Variants in CAPZB observed in about 807,000 individuals in gnomAD.
CAPZB encodes capping actin protein of muscle Z-line subunit beta.
A neutral mutation model predicts 38.1 loss-of-function variants in CAPZB; 2 were observed. The ratio of observed to expected loss-of-function variants is 0.05; its 90% CI spans 0.02 to 0.17. The LOEUF is 0.17. Among genes scored for constraint, CAPZB ranks in the 10% least tolerant of loss-of-function variants. The pLI, the probability that CAPZB is intolerant of heterozygous loss-of-function variation, is 1.00. For missense variants in CAPZB, 161 were observed against 334.2 expected (o/e 0.48, Z 4.04); for synonymous variants, 107 against 127.4 (o/e 0.84, Z 1.08).
At chr1:19,353,453 C>T (rs2094003084) in intron 6 of CAPZB, among the ~76,000 whole-genome samples, 2 of 152,046 alleles carry the variant, frequency 1.3e-5, no homozygotes, top group South Asian at 2.1e-4. Context: ...AGAATGCCCC[C>T]CAGCCTGCCC....
At chr1:19,443,729 G>A (rs7514590) in intron 1 of CAPZB, among the ~76,000 whole-genome samples, 26,784 of 152,214 alleles carry the variant, frequency 0.18, 2,664 homozygotes, top group South Asian at 0.29. Flanking sequence ...GCAAGGCACA[G>A]AGAGGCCAGG....
chr1:19,400,081 T>C (rs552270211), intron 2 of CAPZB, among the ~76,000 whole-genome samples: 1 of 152,174 alleles, frequency 6.6e-6, no homozygotes, highest in African/African-American at 2.4e-5. Context: ...AGGGAATTTC[T>C]ATATTTGTAT....
chr1:19,442,158 T>C (rs1424645392), intron 1 of CAPZB, among the ~76,000 whole-genome samples: 3 of 151,954 alleles, frequency 2.0e-5, no homozygotes, highest in Admixed American at 6.6e-5. Context: ...ACATTATTAC[T>C]GTAATCCTAA....
At chr1:19,483,879 C>T (rs2094640055) in intron 1 of CAPZB, among the ~76,000 whole-genome samples, 1 of 152,240 alleles carries the variant, frequency 6.6e-6, no homozygotes, top group Admixed American at 6.5e-5. Flanking sequence ...ATCTCAACTA[C>T]TCACCCTCGT....
intron 1 of CAPZB, among the ~76,000 whole-genome samples, chr1:19,421,938 T>A (rs2100521865): frequency 6.6e-6 from 1 of 152,150 alleles, no homozygotes; most frequent in South Asian, 2.1e-4. Context: ...TTTAAATGAT[T>A]CCCCTGCCCA....
chr1:19,418,193 T>G, intron 2 of CAPZB, among the ~76,000 whole-genome samples: 1 of 145,400 alleles, frequency 6.9e-6, no homozygotes, highest in Non-Finnish European at 1.5e-5. Context: ...ACCAGGAAAT[T>G]TTACATAAAA....
At chr1:19,341,537 G>A (rs945488886) in intron 8 of CAPZB, among the ~76,000 whole-genome samples, 3 of 152,194 alleles carry the variant, frequency 2.0e-5, no homozygotes, top group African/African-American at 7.2e-5. Flanking sequence ...AAGGGACAAT[G>A]CTTGGGAAGG....
intron 4 of CAPZB, among the ~76,000 whole-genome samples, chr1:19,364,634 T>G (rs1480330187): frequency 6.6e-6 from 1 of 152,192 alleles, no homozygotes; most frequent in Non-Finnish European, 1.5e-5. Context: ...CTGAACATAC[T>G]CCAGCTTGTC....
intron 4 of CAPZB, among the ~76,000 whole-genome samples, chr1:19,365,266 A>G (rs2094077218): frequency 6.6e-6 from 1 of 152,190 alleles, no homozygotes; most frequent in African/African-American, 2.4e-5. Flanking sequence ...TCTCGTAGAC[A>G]TGGCTTCAAC....
chr1:19,484,577 G>A lies in CAPZB; in HGVS notation c.3+859C>T, dbSNP rs1407248477. 11 of 1,243,848 alleles carry A rather than the reference G, an allele frequency of 8.8e-6. No individual in the cohort carries two copies. The African/African-American group carries it at 1.1e-4, about 12-fold the overall frequency. 77.1% of individuals were successfully genotyped at this position (1,243,848 alleles called of 1,614,324 possible). A position where few individuals can be genotyped will look rare whatever the true frequency, so the allele number is the denominator to read the frequency against. On this transcript the variant is annotated intron_variant, in intron 1 of 8. Coordinates refer to ENST00000264202, the MANE Select transcript of CAPZB (RefSeq NM_004930.5). The stretch of plus-strand genomic sequence containing the variant: ...CCTCCCTAGAAGCGGCAACTGAGAA[G>A]GCACAGCACCGGGACCACCCCATCC...
chr1:19,415,360 T>C (rs573177193), intron 2 of CAPZB, among the ~76,000 whole-genome samples: 1 of 152,356 alleles, frequency 6.6e-6, no homozygotes, highest in East Asian at 1.9e-4. Flanking sequence ...CCTGGATCCT[T>C]TGCCTTTAGA....
intron 1 of CAPZB, among the ~76,000 whole-genome samples, chr1:19,443,886 C>T (rs2094487324): frequency 6.6e-6 from 1 of 152,182 alleles, no homozygotes; most frequent in South Asian, 2.1e-4. Flanking sequence ...AGGGAGTGCA[C>T]ACACACAAAA....
rs149781947 is a variant in CAPZB, at chr1:19,478,673, A to G, written c.3+6763T>C. The stretch of plus-strand genomic sequence containing the variant: ...TCCTGAGTCTTTCAGAACTTTGGAC[A>G]TACTTGCTTCCACCCGCTTCCTCCA... On this transcript the variant is annotated intron_variant, in intron 1 of 8. Transcript: ENST00000264202. 3.2e-3 allele frequency among the ~76,000 whole-genome samples: 481 copies of G among 152,290 alleles called. 8 individuals are homozygous for G. The Middle Eastern group carries it at 0.034, about 11-fold the overall frequency.
chr1:19,377,789 T>C (rs2094151241), intron 4 of CAPZB, among the ~76,000 whole-genome samples: 1 of 152,224 alleles, frequency 6.6e-6, no homozygotes, highest in Non-Finnish European at 1.5e-5. Flanking sequence ...GCCTGAACAA[T>C]TAAGTGACAT....
intron 6 of CAPZB, among the ~76,000 whole-genome samples, chr1:19,347,802 T>C (rs2093970114): frequency 6.6e-6 from 1 of 152,120 alleles, no homozygotes; most frequent in African/African-American, 2.4e-5. Flanking sequence ...CTCAGCTTCC[T>C]AGGAACCCTG....
chr1:19,365,930 C>T (rs987322522), intron 4 of CAPZB, among the ~76,000 whole-genome samples: 3 of 152,094 alleles, frequency 2.0e-5, no homozygotes, highest in Non-Finnish European at 4.4e-5. Flanking sequence ...GCTGGAATGC[C>T]GGCTGAAGAG....
intron 2 of CAPZB, among the ~76,000 whole-genome samples, chr1:19,409,643 A>G (rs1177626916): frequency 6.6e-6 from 1 of 152,228 alleles, no homozygotes; most frequent in Non-Finnish European, 1.5e-5. Flanking sequence ...GACCCTGGAT[A>G]AACTGCTGGA....
chr1:19,418,183 A>G (rs1009719762), intron 2 of CAPZB, among the ~76,000 whole-genome samples: 2 of 150,428 alleles, frequency 1.3e-5, no homozygotes, highest in African/African-American at 4.9e-5. Flanking sequence ...ACACAAACAA[A>G]CCAGGAAATT....
chr1:19,419,568 C>T, intron 2 of CAPZB, 93 bp downstream of exon 2: 1 of 736,994 alleles, frequency 1.4e-6, no homozygotes, highest in Non-Finnish European at 2.4e-6. Flanking sequence ...GAAAAGGTTT[C>T]CTGTGTTGTG....
Sources: allele counts gnomAD v4.1 joint callset (sites outside exome capture counted in the v4.1 genomes callset), GRCh38; gene constraint gnomAD v4.1.1; transcripts MANE v1.5; gene names NCBI Gene and HGNC (gene_info 2026-07-23, HGNC 2026-07-21).